Variants in OC90 observed in about 807,000 individuals in gnomAD.
OC90 encodes otoconin-90.
OC90 carries 46 observed loss-of-function variants against 47.3 expected under a neutral mutation model. That is an observed-to-expected ratio of 0.97 (90% CI 0.77 to 1.24). The LOEUF (loss-of-function observed/expected upper bound fraction) is 1.24, where lower values mean the gene tolerates loss of function less well. OC90 is among the 50% of genes most tolerant of loss of function. The pLI is 0.00. For synonymous variants in OC90, 271 were observed against 219.5 expected (o/e 1.23, Z -2.07); for missense variants, 688 against 583.9 (o/e 1.18, Z -1.84).
intron 13 of OC90, among the ~76,000 whole-genome samples, chr8:132,028,457 G>T (rs11777831): frequency 0.22 from 32,690 of 150,846 alleles, 3,910 homozygotes; most frequent in South Asian, 0.3. Flanking sequence ...AGCCAAGATT[G>T]TACCGCTGTA....
intron 3 of OC90, 71 bp downstream of exon 3, chr8:132,045,747 G>T (rs1182374154): frequency 2.3e-6 from 2 of 857,292 alleles, no homozygotes; most frequent in Non-Finnish European, 1.9e-6. Flanking sequence ...ATTCAGAAGG[G>T]ATCATTTTCT....
At chr8:132,035,877 TTGGGAATGATATGC>T (rs1464423169) in intron 9 of OC90, among the ~76,000 whole-genome samples, 3 of 152,238 alleles carry the variant, frequency 2.0e-5, no homozygotes, top group African/African-American at 7.2e-5. Flanking sequence ...TGTAAGGGGC[TTGGGAATGATATGC>T]TGGCACATAG....
chr8:132,030,842 A>G (rs1822862215), intron 12 of OC90, among the ~76,000 whole-genome samples: 1 of 152,210 alleles, frequency 6.6e-6, no homozygotes, highest in African/African-American at 2.4e-5. Flanking sequence ...GTGGATGGGT[A>G]AAAAACACAG....
Position 132,053,569 on chromosome 8 carries a change from G to T in OC90, c.46+1412C>A, listed in dbSNP as rs868624932. 6.1e-4 allele frequency among the ~76,000 whole-genome samples: 93 copies of T among 152,200 alleles called. 1 individual carries two copies. The highest frequency in any genetic ancestry group is 1.4e-3 in the Admixed American group (21 of 15,286). ...TGGTGCTTTAGAATGGGATTTCATG[G>T]TATTATGTATTCTACCGAAAAGATC... On this transcript the variant is annotated intron_variant, in intron 2 of 13. Coordinates refer to ENST00000254627, the MANE Select transcript of OC90 (RefSeq NM_001080399.3).
rs369661702 is a variant in OC90, at chr8:132,024,860, C to T, written c.1139-84G>A. On this transcript the variant is annotated intron_variant, in intron 13 of 13. Coordinates refer to ENST00000254627, the MANE Select transcript of OC90 (RefSeq NM_001080399.3). The stretch of plus-strand genomic sequence containing the variant: ...CCCACGGCCCTGGCCACCCCTCAGC[C>T]CTTCTCCTTCCTCCCCATCTTCCAC... 589 of 1,160,482 alleles carry T rather than the reference C, an allele frequency of 5.1e-4. 4 individuals are homozygous for T. In the Middle Eastern group the frequency reaches 9.9e-3, roughly 20 times the overall value. The allele number at this position is 1,160,482 out of a possible 1,614,324, so 71.9% of individuals were successfully genotyped here.
At chr8:132,055,413 G>A (rs1011453874) in intron 1 of OC90, among the ~76,000 whole-genome samples, 1 of 152,178 alleles carries the variant, frequency 6.6e-6, no homozygotes, top group African/African-American at 2.4e-5. Context: ...ATCCAGGAGT[G>A]CAAAGTGAGG....
In OC90 at chr8:132,039,044, G is replaced by A; in HGVS notation, c.537C>T (p.Asn179=). Residue 179 remains asparagine, a synonymous_variant, in exon 7 of 14, where the codon AAC becomes AAT. Coordinates refer to ENST00000254627, the MANE Select transcript of OC90 (RefSeq NM_001080399.3). ...AIECLARSSL[N]SSLNLLDTSF... is the part of the protein sequence containing the mutation. The stretch of plus-strand genomic sequence containing the variant: ...AGGTGTCCAGAAGGTTCAGGGAAGA[G>A]TTGAGGCTGGATCGAGCCAAGCACT... 1.2e-6 allele frequency: 2 copies of A among 1,613,976 alleles called. No homozygotes were observed. Among genetic ancestry groups the A allele is most frequent in the Non-Finnish European group, 8.5e-7 (1 of 1,179,864 alleles).
intron 13 of OC90, among the ~76,000 whole-genome samples, chr8:132,028,566 G>GAAA (rs1214877796): frequency 0.017 from 350 of 21,056 alleles, 1 homozygote; most frequent in African/African-American, 0.043. Context: ...AAGAAAGAAA[G>GAAA]GAAGGAAGGA....
chr8:132,041,262 T>C, intron 5 of OC90, 106 bp from the exon 6 acceptor site: 1 of 734,660 alleles, frequency 1.4e-6, no homozygotes, highest in Non-Finnish European at 2.4e-6. Flanking sequence ...GGCAGTGGTC[T>C]ATTTTAAATA....
intron 4 of OC90, 97 bp from the exon 5 acceptor site, chr8:132,041,796 C>A: frequency 3.1e-6 from 2 of 649,172 alleles, no homozygotes; most frequent in Non-Finnish European, 5.3e-6. Flanking sequence ...GCTGATGGTG[C>A]CTTATCAACC....
chr8:132,039,393 T>C (rs1823021368), intron 6 of OC90, among the ~76,000 whole-genome samples: 1 of 152,160 alleles, frequency 6.6e-6, no homozygotes, highest in Non-Finnish European at 1.5e-5. Flanking sequence ...ACACCTCCAC[T>C]GTACCACACT....
chr8:132,026,180 G>A (rs1033720432), intron 13 of OC90, among the ~76,000 whole-genome samples: 1 of 152,138 alleles, frequency 6.6e-6, no homozygotes, highest in Non-Finnish European at 1.5e-5. Flanking sequence ...TGTATGAGTT[G>A]CATGCAGTGG....
chr8:132,036,450 C>A, intron 9 of OC90: 1 of 780,112 alleles, frequency 1.3e-6, no homozygotes, highest in Non-Finnish European at 2.4e-6. Context: ...TTTTAATGAT[C>A]AGTTCAGCTA....
intron 1 of OC90, among the ~76,000 whole-genome samples, chr8:132,056,573 C>G (rs914454142): frequency 1.3e-5 from 2 of 152,096 alleles, no homozygotes; most frequent in African/African-American, 4.8e-5. Context: ...CTTTTTTAGC[C>G]ACACAAATTC....
chr8:132,035,750 A>G (rs890143573), intron 9 of OC90, among the ~76,000 whole-genome samples: 3 of 152,178 alleles, frequency 2.0e-5, no homozygotes, highest in Admixed American at 1.3e-4. Context: ...CTCAGAACGA[A>G]AGGACTATCA....
chr8:132,029,119 C>T lies in OC90; in HGVS notation c.1092G>A (p.Glu364=), dbSNP rs377284333. ...EQVRRLGCLL[E]RLPWSPVVCV... is the part of the protein sequence containing the mutation. ...ACACCACCGGTGACCAAGGAAGCCT[C>T]TCAAGCAGGCAGCCCAGCCTTCTCA... Residue 364 remains glutamate, a synonymous_variant, in exon 13 of 14, where the codon GAG becomes GAA. Coordinates refer to ENST00000254627, the MANE Select transcript of OC90 (RefSeq NM_001080399.3). 3.9e-5 allele frequency: 63 copies of T among 1,613,872 alleles called. No individual in the cohort carries two copies. Among genetic ancestry groups the T allele is most frequent in the Non-Finnish European group, 5.2e-5 (61 of 1,179,886 alleles).
chr8:132,044,175 G>A (rs57564141), intron 4 of OC90, among the ~76,000 whole-genome samples: 16,442 of 152,134 alleles, frequency 0.11, 1,267 homozygotes, highest in African/African-American at 0.21. Context: ...TATAAAATGG[G>A]GATACCATTC....
chr8:132,037,330 G>T, intron 9 of OC90, 108 bp downstream of exon 9: 1 of 924,268 alleles, frequency 1.1e-6, no homozygotes, highest in Non-Finnish European at 1.7e-6. Context: ...CTTCGGTGCT[G>T]TTCTTGTGAT....
In OC90 at chr8:132,039,098, C is replaced by T. The variant is rs1823014198; in HGVS notation, c.483G>A (p.Leu161=). Residue 161 remains leucine, a synonymous_variant, in exon 7 of 14, where the codon CTG becomes CTA. Coordinates refer to ENST00000254627, the MANE Select transcript of OC90 (RefSeq NM_001080399.3). Reference sequence around the variant, plus strand: ...TGGCAGCCTTATCACAGGTACACAGCAGGTGCTCACAGTTGTCCTTGGACT... The same window carrying T: ...TGGCAGCCTTATCACAGGTACACAGTAGGTGCTCACAGTTGTCCTTGGACT... ...ICESKDNCEH[L]LCTCDKAAIE... 2 of 1,611,360 alleles carry T rather than the reference C, an allele frequency of 1.2e-6. No homozygotes were observed. Among genetic ancestry groups the T allele is most frequent in the African/African-American group, 1.3e-5 (1 of 74,876 alleles).
Sources: gnomAD v4.1 joint callset for allele counts (sites outside exome capture counted in the v4.1 genomes callset) on GRCh38, gnomAD v4.1.1 for gene constraint, MANE v1.5 for transcripts, NCBI Gene and HGNC (gene_info 2026-07-23, HGNC 2026-07-21) for gene names.